Variants in ORC3 observed in about 807,000 individuals in gnomAD.
ORC3 encodes the protein homolog of latheo, Drosophila.
ORC3 carries 78 observed loss-of-function variants against 100.7 expected under a neutral mutation model. The observed-to-expected ratio is 0.77, with a 90% confidence interval of 0.65 to 0.94. The LOEUF is 0.94. Among genes scored for constraint, ORC3 ranks in the 40% least tolerant of loss-of-function variants. The pLI, the probability that ORC3 is intolerant of heterozygous loss-of-function variation, is 0.00. For missense variants in ORC3, 789 were observed against 823.9 expected, an observed-to-expected ratio of 0.96 and a Z score of 0.52; for synonymous variants, 295 against 289.3, an observed-to-expected ratio of 1.02 and a Z score of -0.20.
intron 9 of ORC3, 25 bp from the exon 10 acceptor site, chr6:87,621,329 T>A (rs917433783): frequency 6.8e-7 from 1 of 1,468,096 alleles, no homozygotes; most frequent in Non-Finnish European, 9.0e-7. Flanking sequence ...ATAACAAATA[T>A]GTTTAATCTT....
chr6:87,603,653 A>C, intron 4 of ORC3, 125 bp downstream of exon 4: 2 of 503,630 alleles, frequency 4.0e-6, no homozygotes, highest in Non-Finnish European at 6.9e-6. Flanking sequence ...TTATTTGTAC[A>C]ATTAAACCAA....
At chr6:87,601,526 C>T (rs895121492) in intron 2 of ORC3, among the ~76,000 whole-genome samples, 6 of 151,980 alleles carry the variant, frequency 3.9e-5, no homozygotes, top group African/African-American at 7.2e-5. Flanking sequence ...CAAAATTGAG[C>T]GGGCGTGGTG....
In ORC3 at chr6:87,594,455, A is replaced by G. The variant is rs752217510; in HGVS notation, c.79+48A>G. 7 of 1,489,054 alleles carry G rather than the reference A, an allele frequency of 4.7e-6. No homozygotes were observed. The African/African-American group carries it at 8.4e-5, about 18-fold the overall frequency. The allele number at this position is 1,489,054 out of a possible 1,614,324, so 92.2% of individuals were successfully genotyped here. On this transcript the variant is annotated intron_variant, in intron 2 of 19. Transcript: ENST00000392844. ...TTTTTATTCCCTACCTTCTTAAACT[A>G]TTAGGAACTAACCCTAATTGAATTT...
chr6:87,630,482 T>C (rs1767315799), intron 11 of ORC3, among the ~76,000 whole-genome samples: 2 of 152,240 alleles, frequency 1.3e-5, no homozygotes, highest in African/African-American at 4.8e-5. Flanking sequence ...AATATTTTTC[T>C]AGTGCCTATT....
intron 1 of ORC3, among the ~76,000 whole-genome samples, chr6:87,592,952 G>T (rs1306800147): frequency 6.6e-6 from 1 of 151,918 alleles, no homozygotes; most frequent in Non-Finnish European, 1.5e-5. Context: ...AATTAGCCAG[G>T]CATGGTGGTG....
chr6:87,630,911 C>G (rs913934097), intron 11 of ORC3, among the ~76,000 whole-genome samples: 1 of 151,986 alleles, frequency 6.6e-6, no homozygotes, highest in Non-Finnish European at 1.5e-5. Flanking sequence ...CGCTCTGTCA[C>G]CCAGGCTGGA....
At chr6:87,624,686 G>C (rs1387043621) in intron 11 of ORC3, among the ~76,000 whole-genome samples, 2 of 151,848 alleles carry the variant, frequency 1.3e-5, no homozygotes, top group African/African-American at 2.4e-5. Context: ...CCTTATTTAA[G>C]CCTCAATTTT....
Position 87,609,134 on chromosome 6 carries a change from T to A in ORC3, c.618T>A (p.Thr206=). 1.2e-6 allele frequency: 2 copies of A among 1,606,828 alleles called. No individual in the cohort carries two copies. Among genetic ancestry groups the A allele is most frequent in the Non-Finnish European group, 1.7e-6 (2 of 1,178,362 alleles). The part of the protein sequence containing the change: ...DPKMLSKKRT[T]SSQWQSPPVV... ...AAATGCTAAGCAAAAAAAGGACTAC[T>A]TCTAGCCAATGGCAGTCTCCTCCTG... Residue 206 remains threonine (T), a synonymous_variant, in exon 7 of 20, where the codon ACT becomes ACA. Transcript: ENST00000392844.
intron 11 of ORC3, among the ~76,000 whole-genome samples, chr6:87,624,828 T>G (rs995350693): frequency 1.3e-5 from 2 of 151,776 alleles, no homozygotes; most frequent in African/African-American, 2.4e-5. Context: ...TATCTCCTAA[T>G]GCTATCCTTC....
chr6:87,611,865 T>C (rs28381492), intron 7 of ORC3, among the ~76,000 whole-genome samples: 1,953 of 152,256 alleles, frequency 0.013, 49 homozygotes, highest in African/African-American at 0.045. Context: ...TGAGAGGATT[T>C]ATTAAGAGAT....
chr6:87,625,429 C>T (rs1394424347), intron 11 of ORC3, among the ~76,000 whole-genome samples: 1 of 152,168 alleles, frequency 6.6e-6, no homozygotes, highest in East Asian at 1.9e-4. Context: ...TTTTGATTTG[C>T]ATTTCTCTGA....
chr6:87,677,014 TTGCAGTGAGCCAAGAC>T, the ORC3 span, among the ~76,000 whole-genome samples: 18 of 151,566 alleles, frequency 1.2e-4, no homozygotes, highest in African/African-American at 4.1e-4. Flanking sequence ...AAAGTAGAGC[TTGCAGTGAGCCAAGAC>T]TGCGCCACTG....
At chr6:87,655,505 C>G (rs574324958) in intron 14 of ORC3, among the ~76,000 whole-genome samples, 1 of 152,066 alleles carries the variant, frequency 6.6e-6, no homozygotes, top group African/African-American at 2.4e-5. Flanking sequence ...GCACGTCCCA[C>G]CACACTTGGC....
At chr6:87,603,585 T>A in intron 4 of ORC3, 57 bp downstream of exon 4, 3 of 1,222,180 alleles carry the variant, frequency 2.5e-6, no homozygotes, top group Admixed American at 2.3e-5. Flanking sequence ...TTTTTAAATT[T>A]TTTTTTATTG....
At chr6:87,674,364 T>A in the ORC3 span, among the ~76,000 whole-genome samples, 1 of 151,436 alleles carries the variant, frequency 6.6e-6, no homozygotes, top group South Asian at 2.1e-4. Context: ...TAAATGTGTA[T>A]TTAAGATTGT....
the ORC3 span, among the ~76,000 whole-genome samples, chr6:87,672,462 G>A: frequency 1.3e-5 from 2 of 152,272 alleles, no homozygotes; most frequent in African/African-American, 4.8e-5. Flanking sequence ...CCTTACCTGG[G>A]GCAAATGCAG....
chr6:87,621,439 T>A lies in ORC3; in HGVS notation c.1073T>A (p.Leu358Ter). The A allele has an allele frequency of 6.2e-7, 1 of 1,603,498 alleles. No individual in the cohort carries two copies. Among genetic ancestry groups the A allele is most frequent in the Non-Finnish European group, 8.5e-7 (1 of 1,175,532 alleles). The change falls in exon 10 of 20, where the codon TTA becomes TAA. Residue 358 changes from leucine (L) to a stop codon, truncating the protein, a stop_gained. Transcript: ENST00000392844. LOFTEE classifies it high-confidence loss of function. The part of the protein sequence containing the change: ...LPEAKRRINF[L>*]SNNQCENIRR... ...GAAGCCAAAAGAAGAATAAATTTTT[T>A]ATCAAATAATCAATGTGAAAACATC...
At chr6:87,654,333 G>C (rs968440156) in intron 14 of ORC3, among the ~76,000 whole-genome samples, 22 of 152,238 alleles carry the variant, frequency 1.4e-4, no homozygotes, top group African/African-American at 5.1e-4. Context: ...TGAGCAGCCA[G>C]AGTGAGGAAG....
intron 8 of ORC3, among the ~76,000 whole-genome samples, chr6:87,613,674 G>C (rs138223878): frequency 6.0e-4 from 92 of 152,202 alleles, no homozygotes; most frequent in African/African-American, 2.1e-3. Context: ...ATTCCAAATG[G>C]GAGAAATTGG....
Sources: gnomAD v4.1 joint callset for allele counts (sites outside exome capture counted in the v4.1 genomes callset) on GRCh38, gnomAD v4.1.1 for gene constraint, MANE v1.5 for transcripts, NCBI Gene and HGNC (gene_info 2026-07-23, HGNC 2026-07-21) for gene names.